The following MYO18A variants were observed in gnomAD, a reference collection of about 807,000 sequenced individuals.
MYO18A encodes unconventional myosin-XVIIIa.
A neutral mutation model predicts 235.8 loss-of-function variants in MYO18A; 78 were observed. The ratio of observed to expected loss-of-function variants is 0.33; its 90% CI spans 0.28 to 0.40. MYO18A has a LOEUF of 0.40. Among genes scored for constraint, MYO18A ranks in the 10% least tolerant of loss-of-function variants. MYO18A has a pLI of 1.00. For synonymous variants in MYO18A, 977 were observed against 1,077.8 expected, an observed-to-expected ratio of 0.91 and a Z score of 1.83; for missense variants, 2,215 against 2,699.3, an observed-to-expected ratio of 0.82 and a Z score of 3.98.
intron 21 of MYO18A, among the ~76,000 whole-genome samples, chr17:29,102,978 G>A (rs764596674): frequency 9.8e-5 from 15 of 152,346 alleles, no homozygotes; most frequent in Admixed American, 6.5e-5. Flanking sequence ...TCCCAGGCTC[G>A]GAAGAGAGGG....
chr17:29,139,041 G>A (rs1173228511), intron 2 of MYO18A, among the ~76,000 whole-genome samples: 2 of 152,188 alleles, frequency 1.3e-5, no homozygotes, highest in African/African-American at 2.4e-5. Flanking sequence ...AGGGGGAGAT[G>A]AGCTTGGCAG....
chr17:29,092,256 G>T, intron 34 of MYO18A, 87 bp downstream of exon 34: 1 of 952,874 alleles, frequency 1.0e-6, no homozygotes, highest in Non-Finnish European at 1.6e-6. Context: ...GACGTGGAGG[G>T]ACCTGTCTAG....
At chr17:29,129,079 C>A in intron 2 of MYO18A, 1 of 1,289,384 alleles carries the variant, frequency 7.8e-7, no homozygotes, top group Non-Finnish European at 1.0e-6. Context: ...GTCCTTCCAT[C>A]ACCTGTTTTC....
intron 30 of MYO18A, 184 bp downstream of exon 30, chr17:29,094,466 C>T (rs181745039): frequency 1.4e-4 from 94 of 653,626 alleles, no homozygotes; most frequent in African/African-American, 8.5e-4. Context: ...GAAAGTTCCA[C>T]GAGCGCGTCT....
chr17:29,093,450 A>AC, intron 31 of MYO18A, 23 bp from the exon 32 acceptor site: 1 of 1,579,548 alleles, frequency 6.3e-7, no homozygotes, highest in Non-Finnish European at 8.6e-7. Flanking sequence ...GGGGACAGAG[A>AC]CCCGTCCGTC....
chr17:29,174,949 T>C (rs972498496), intron 1 of MYO18A, among the ~76,000 whole-genome samples: 1 of 152,246 alleles, frequency 6.6e-6, no homozygotes, highest in African/African-American at 2.4e-5. Flanking sequence ...CAGGATAGTT[T>C]ATAATTTTGC....
chr17:29,103,482 G>C, intron 21 of MYO18A, 117 bp downstream of exon 21: 2 of 1,040,156 alleles, frequency 1.9e-6, no homozygotes, highest in Non-Finnish European at 2.9e-6. Flanking sequence ...GCAAGACTCA[G>C]AGGGCACCAG....
intron 2 of MYO18A, among the ~76,000 whole-genome samples, chr17:29,145,270 G>A (rs2067823728): frequency 6.6e-6 from 1 of 152,190 alleles, no homozygotes; most frequent in Non-Finnish European, 1.5e-5. Context: ...TCTGAACGGT[G>A]CACGCACAAT....
Position 29,090,908 on chromosome 17 carries a change from G to A in MYO18A, c.5206C>T (p.Arg1736Cys), listed in dbSNP as rs752892065. ...AKTALEEQLSRLQREKNEIQN... is the reference protein window; with the variant it reads ...AKTALEEQLSCLQREKNEIQN... ...ATCTCATTCTTCTCACGCTGAAGGC[G>A]GCTCAGCTGCTCCTCCAGCTGGAGA... Residue 1736 changes from arginine to cysteine, a missense_variant, in exon 35 of 42, where the codon CGC becomes TGC. Coordinates refer to ENST00000527372, the MANE Select transcript of MYO18A (RefSeq NM_078471.4). 1.2e-5 allele frequency: 20 copies of A among 1,613,836 alleles called. No homozygotes were observed. Among genetic ancestry groups the A allele is most frequent in the East Asian group, 6.7e-5 (3 of 44,894 alleles).
rs1403921043 is a variant in MYO18A at position 29,082,298 on chromosome 17, T to G, written c.6020+18A>C. On this transcript the variant is annotated intron_variant, in intron 41 of 41. Coordinates refer to ENST00000527372, the MANE Select transcript of MYO18A (RefSeq NM_078471.4). ...GCACAAGGTGGCTTTTCCTCCCAGC[T>G]CAAGGCCATATGCTCACCTGGAACT... is the stretch of plus-strand genomic sequence containing the variant. The G allele has an allele frequency of 2.5e-6, 4 of 1,613,538 alleles. No individual in the cohort carries two copies. The highest frequency in any genetic ancestry group is 1.7e-5 in the Admixed American group (1 of 59,986).
Position 29,118,144 on chromosome 17 carries a change from C to T in MYO18A, c.1939G>A (p.Ala647Thr), listed in dbSNP as rs1812661010. The change falls in exon 10 of 42, where the codon GCG (alanine) becomes ACG (threonine). Residue 647 changes from alanine (A) to threonine (T), a missense_variant. By Grantham distance (58) the Ala-to-Thr change is moderately conservative. Coordinates refer to ENST00000527372, the MANE Select transcript of MYO18A (RefSeq NM_078471.4). This position sits in a 1 kb window ranked among gnomAD's most constrained non-coding sequence, Gnocchi z 4.2. ...GAGATGCCCAGCACCTTCATGGCCG[C>T]CTGCAGCTTACTAAACTGCTGAGCT... is the stretch of plus-strand genomic sequence containing the variant. ...KAAQQFSKLQ[A>T]AMKVLGISPD... 1 of 1,597,726 alleles carries T rather than the reference C, an allele frequency of 6.3e-7. No individual in the cohort carries two copies. The highest frequency in any genetic ancestry group is 8.5e-7 in the Non-Finnish European group (1 of 1,171,510).
At chr17:29,083,528 G>A (rs574920412) in intron 40 of MYO18A, among the ~76,000 whole-genome samples, 55,647 of 140,020 alleles carry the variant, frequency 0.4, 12,166 homozygotes, top group East Asian at 0.84. Flanking sequence ...GTGTGCGCGC[G>A]CGCGCACACA....
chr17:29,175,479 G>T (rs56220857), intron 1 of MYO18A, among the ~76,000 whole-genome samples: 50,497 of 148,818 alleles, frequency 0.34, 8,680 homozygotes, highest in East Asian at 0.59. Context: ...CCTTCCCACC[G>T]CAGCCTCCTG....
At chr17:29,148,582 T>TTGTGTGTGTGTGTGTGTGTG (rs10535921) in intron 2 of MYO18A, among the ~76,000 whole-genome samples, 20 of 148,874 alleles carry the variant, frequency 1.3e-4, no homozygotes, top group South Asian at 4.3e-4. Context: ...CTTTATTCTT[T>TTGTGTGTGTGTGTGTGTGTG]TGTGTGTGTG....
chr17:29,121,805 G>A lies in MYO18A; in HGVS notation c.1194+46C>T, dbSNP rs1006506558. ...AGAGGATGGGCCTGCCCTGCCCAGT[G>A]CACTCCTGAGCCTCCTCCCCCACAC... is the stretch of plus-strand genomic sequence containing the variant. On this transcript the variant is annotated intron_variant, in intron 4 of 41. Transcript: ENST00000527372. This position sits in a 1 kb window ranked among gnomAD's most constrained non-coding sequence, Gnocchi z 4.2. 1 of 1,611,184 alleles carries A rather than the reference G, an allele frequency of 6.2e-7. No homozygotes were observed. Among genetic ancestry groups the A allele is most frequent in the African/African-American group, 1.3e-5 (1 of 74,986 alleles).
intron 2 of MYO18A, among the ~76,000 whole-genome samples, chr17:29,134,672 G>A (rs1163159921): frequency 1.3e-5 from 2 of 151,752 alleles, no homozygotes; most frequent in African/African-American, 4.8e-5. Flanking sequence ...ACAGGCGCCC[G>A]CTACCACGCC....
intron 1 of MYO18A, among the ~76,000 whole-genome samples, chr17:29,177,966 A>G (rs747492034): frequency 2.0e-5 from 3 of 151,682 alleles, no homozygotes; most frequent in Non-Finnish European, 2.9e-5. Flanking sequence ...AGTTCCAACA[A>G]CTCCCAGCTC....
intron 2 of MYO18A, chr17:29,128,558 A>C: frequency 8.1e-7 from 1 of 1,227,000 alleles, no homozygotes; most frequent in Non-Finnish European, 1.0e-6. Flanking sequence ...CAGTCATACA[A>C]ATACAGGTAG....
rs201762028 is a variant in MYO18A, at chr17:29,110,525, G to A, written c.2998C>T (p.Arg1000Cys). 4.4e-6 allele frequency: 7 copies of A among 1,608,600 alleles called. No homozygotes were observed. The highest frequency in any genetic ancestry group is 1.1e-5 in the South Asian group (1 of 89,954). ...GLEGGSQLAL[R>C]RATSMRKTFT... ...GTTTTCCGCATGCTGGTGGCCCGGCGCAGTGCCAGCTGCGAGCCGCCCTCC... is the reference window on the plus strand; with the variant it reads ...GTTTTCCGCATGCTGGTGGCCCGGCACAGTGCCAGCTGCGAGCCGCCCTCC... The change falls in exon 18 of 42, where the codon CGC (arginine) becomes TGC (cysteine). Residue 1000 changes from arginine (R) to cysteine (C), a missense_variant. Coordinates refer to ENST00000527372, the MANE Select transcript of MYO18A (RefSeq NM_078471.4).
Sources: allele counts gnomAD v4.1 joint callset (sites outside exome capture counted in the v4.1 genomes callset), GRCh38; gene constraint gnomAD v4.1.1; non-coding constraint Gnocchi (gnomAD v3.1); transcripts MANE v1.5; gene names NCBI Gene and HGNC (gene_info 2026-07-23, HGNC 2026-07-21).